The following METTL24 variants were observed in gnomAD, a reference collection of about 807,000 sequenced individuals.
METTL24 encodes the protein probable methyltransferase-like protein 24.
METTL24 carries 29 observed loss-of-function variants against 32.7 expected under a neutral mutation model. That is an observed-to-expected ratio of 0.89 (90% CI 0.66 to 1.21). The LOEUF is 1.21. METTL24 is among the 50% of genes most tolerant of loss of function. METTL24 has a pLI of 0.00. For synonymous variants in METTL24, 163 were observed against 179.5 expected, an observed-to-expected ratio of 0.91 and a Z score of 0.73; for missense variants, 439 against 468.1, an observed-to-expected ratio of 0.94 and a Z score of 0.57.
intron 4 of METTL24, chr6:110,254,114 G>A (rs908380076): frequency 1.8e-5 from 9 of 502,742 alleles, no homozygotes; most frequent in African/African-American, 1.6e-4. Flanking sequence ...CTTTTGTAAT[G>A]ATTTAATTTA....
In METTL24 at chr6:110,322,816, A is replaced by T. The variant is rs777131274; in HGVS notation, c.375T>A (p.Asp125Glu). ...QPWAGSAQSL[D>E]EEAWRFLRYI... ...ATCTCAGGAACCTCCAGGCTTCTTC[A>T]TCCAGGGACTGAGCAGAGCCTGCCC... The change falls in exon 2 of 5, where the codon GAT (aspartate) becomes GAA (glutamate). Residue 125 changes from aspartate to glutamate, a missense_variant. By Grantham distance (45) the Asp-to-Glu change is conservative. Transcript: ENST00000338882. 9 of 1,613,876 alleles carry T rather than the reference A, an allele frequency of 5.6e-6. No individual in the cohort carries two copies. In the East Asian group the frequency reaches 6.7e-5, roughly 12 times the overall value.
At chr6:110,320,172 A>C (rs1000788661) in intron 2 of METTL24, among the ~76,000 whole-genome samples, 1 of 152,198 alleles carries the variant, frequency 6.6e-6, no homozygotes, top group African/African-American at 2.4e-5. Context: ...AGGGAAGTAT[A>C]TTTCTTAATG....
In METTL24 at chr6:110,333,459, ATTAT is replaced by A. The variant is rs558397177; in HGVS notation, c.319-10591_319-10588del. Among the ~76,000 whole-genome samples the A allele has an allele frequency of 5.1e-3, 776 of 151,970 alleles. 7 individuals carry two copies. The highest frequency in any genetic ancestry group is 7.6e-3 in the Non-Finnish European group (519 of 67,940). On this transcript the variant is annotated intron_variant, in intron 1 of 4. Coordinates refer to ENST00000338882, the MANE Select transcript of METTL24 (RefSeq NM_001123364.3). ...CACTTGATTTTTATTTTATTATATT[ATTAT>A]TTATTTATGTATTTTTTGAGGGGAG...
At chr6:110,351,859 C>T (rs2114781244) in intron 1 of METTL24, among the ~76,000 whole-genome samples, 1 of 152,360 alleles carries the variant, frequency 6.6e-6, no homozygotes, top group African/African-American at 2.4e-5. Flanking sequence ...ATTTCCGTAA[C>T]AGCCCTATTC....
intron 4 of METTL24, among the ~76,000 whole-genome samples, chr6:110,246,840 G>A (rs555422457): frequency 1.1e-3 from 162 of 151,992 alleles, no homozygotes; most frequent in African/African-American, 3.4e-3. Context: ...CAACTTCATC[G>A]AGACTGGACA....
At chr6:110,357,209 G>T (rs553742892) in intron 1 of METTL24, 1 of 152,384 alleles carries the variant, frequency 6.6e-6, no homozygotes, top group South Asian at 2.1e-4. Context: ...CTCCAAAAAG[G>T]AGATGAGCCC....
rs149538935 is a variant in METTL24 at position 110,261,182 on chromosome 6, A to T, written c.787-14922T>A. Among the ~76,000 whole-genome samples the T allele has an allele frequency of 7.5e-3, 1,138 of 152,330 alleles. 8 individuals carry two copies. Among genetic ancestry groups the T allele is most frequent in the Middle Eastern group, 0.017 (5 of 294 alleles). ...AAGACACAGACTTGGCAAATTGGAT[A>T]AAGAGTCAAGACCCATCAGTGTGCT... is the stretch of plus-strand genomic sequence containing the variant. On this transcript the variant is annotated intron_variant, in intron 4 of 4. Coordinates refer to ENST00000338882, the MANE Select transcript of METTL24 (RefSeq NM_001123364.3).
At chr6:110,252,928 CAAGAGACCCCTCATTTT>C (rs1778309385) in intron 4 of METTL24, among the ~76,000 whole-genome samples, 1 of 152,132 alleles carries the variant, frequency 6.6e-6, no homozygotes, top group Non-Finnish European at 1.5e-5. Context: ...TAGTTTTGAA[CAAGAGACCCCTCATTTT>C]TATTTTGCAC....
intron 1 of METTL24, among the ~76,000 whole-genome samples, chr6:110,327,034 A>G (rs1772028907): frequency 1.3e-5 from 2 of 152,228 alleles, no homozygotes; most frequent in South Asian, 4.1e-4. Context: ...CTGTGTCACA[A>G]TTTAATATAG....
At chr6:110,282,279 A>T (rs1771149516) in intron 4 of METTL24, among the ~76,000 whole-genome samples, 1 of 152,194 alleles carries the variant, frequency 6.6e-6, no homozygotes, top group Non-Finnish European at 1.5e-5. Context: ...AGTGAAAGGC[A>T]ATAAAATATA....
intron 1 of METTL24, among the ~76,000 whole-genome samples, chr6:110,334,503 G>A (rs539976389): frequency 6.6e-6 from 1 of 152,300 alleles, no homozygotes; most frequent in South Asian, 2.1e-4. Flanking sequence ...GAAACCAGTT[G>A]TAGACACTGG....
At chr6:110,322,694 C>G in intron 2 of METTL24, 80 bp downstream of exon 2, 1 of 1,215,030 alleles carries the variant, frequency 8.2e-7, no homozygotes, top group Non-Finnish European at 1.2e-6. Flanking sequence ...CGCTGAGAAC[C>G]TCCCCCACCT....
intron 4 of METTL24, among the ~76,000 whole-genome samples, chr6:110,295,585 C>T (rs1181234032): frequency 6.6e-6 from 1 of 152,200 alleles, no homozygotes; most frequent in East Asian, 1.9e-4. Flanking sequence ...TTCTATACAG[C>T]ACAGTATTTA....
intron 1 of METTL24, among the ~76,000 whole-genome samples, chr6:110,334,910 G>C (rs1010596807): frequency 5.9e-5 from 9 of 152,132 alleles, no homozygotes; most frequent in Admixed American, 1.3e-4. Flanking sequence ...GACATTCCTT[G>C]CATGATTCTA....
At chr6:110,320,044 G>A (rs1771904551) in intron 2 of METTL24, among the ~76,000 whole-genome samples, 1 of 152,136 alleles carries the variant, frequency 6.6e-6, no homozygotes, top group Non-Finnish European at 1.5e-5. Flanking sequence ...CCAAGGCCTG[G>A]CACAGTGCCA....
chr6:110,280,556 A>C (rs1339358190), intron 4 of METTL24, among the ~76,000 whole-genome samples: 3 of 152,178 alleles, frequency 2.0e-5, no homozygotes, highest in Admixed American at 6.5e-5. Flanking sequence ...AAGTTAAAAA[A>C]ACTCAGACTA....
chr6:110,354,250 A>G (rs1054861990), intron 1 of METTL24, among the ~76,000 whole-genome samples: 1 of 152,188 alleles, frequency 6.6e-6, no homozygotes, highest in African/African-American at 2.4e-5. Context: ...GGGGACGAGG[A>G]AAGAAAGAAT....
intron 3 of METTL24, among the ~76,000 whole-genome samples, chr6:110,309,896 C>CA (rs1347414989): frequency 3.3e-5 from 5 of 150,926 alleles, no homozygotes; most frequent in African/African-American, 1.2e-4. Flanking sequence ...CAAAACAAAA[C>CA]AAAAAACCCT....
intron 4 of METTL24, among the ~76,000 whole-genome samples, chr6:110,278,080 T>C (rs545225308): frequency 1.2e-4 from 18 of 152,314 alleles, no homozygotes; most frequent in African/African-American, 4.3e-4. Context: ...GTTTGTTTTT[T>C]AGCATTGTTT....
Sources: gnomAD v4.1 joint callset for allele counts (sites outside exome capture counted in the v4.1 genomes callset) on GRCh38, gnomAD v4.1.1 for gene constraint, MANE v1.5 for transcripts, NCBI Gene and HGNC (gene_info 2026-07-23, HGNC 2026-07-21) for gene names.